SLC22A23: variants seen among roughly 807,000 people sequenced by gnomAD.
SLC22A23 encodes the protein ion transporter protein.
SLC22A23 carries 26 observed loss-of-function variants against 61.0 expected under a neutral mutation model. The ratio of observed to expected loss-of-function variants is 0.43; its 90% CI spans 0.31 to 0.59. SLC22A23 has a LOEUF of 0.59. SLC22A23 is among the 20% of genes least tolerant of loss of function. SLC22A23 has a pLI of 0.11. For synonymous variants in SLC22A23, 430 were observed against 413.9 expected (o/e 1.04, Z -0.47); for missense variants, 796 against 934.7 (o/e 0.85, Z 1.94).
At chr6:3,440,637 G>A in intron 1 of SLC22A23, among the ~76,000 whole-genome samples, 1 of 151,690 alleles carries the variant, frequency 6.6e-6, no homozygotes, top group East Asian at 1.9e-4. Flanking sequence ...AACCCAGGAG[G>A]TGGAGGTTGC....
chr6:3,420,247 AAC>A (rs1770029127), intron 1 of SLC22A23, among the ~76,000 whole-genome samples: 2 of 151,916 alleles, frequency 1.3e-5, no homozygotes, highest in African/African-American at 2.4e-5. Flanking sequence ...AAAAAAAAAA[AAC>A]CAAAAACTGT....
intron 3 of SLC22A23, among the ~76,000 whole-genome samples, chr6:3,326,511 TCA>T (rs1763290455): frequency 6.6e-6 from 1 of 152,116 alleles, no homozygotes; most frequent in Non-Finnish European, 1.5e-5. Flanking sequence ...ATGTTTTGCC[TCA>T]CAGACATATC....
rs1279089686 is a variant in SLC22A23, at chr6:3,272,349, TTAAGA to T, written c.*701_*705del. 6.5e-6 allele frequency: 1 copy of T among 152,718 alleles called. No homozygotes were observed. The highest frequency in any genetic ancestry group is 2.4e-5 in the African/African-American group (1 of 41,410). 9.5% of individuals were successfully genotyped at this position (152,718 alleles called of 1,614,324 possible). A position where few individuals can be genotyped will look rare whatever the true frequency, so the allele number is the denominator to read the frequency against. On this transcript the variant is annotated 3_prime_UTR_variant, in exon 10 of 10. Transcript: ENST00000406686. ...CTGTGGCGATATGACTGCTGCTCAA[TTAAGA>T]TTTCTGGTGAAATGTTTAAGCTTTT...
At chr6:3,356,471 C>T (rs1400365755) in intron 3 of SLC22A23, among the ~76,000 whole-genome samples, 1 of 152,104 alleles carries the variant, frequency 6.6e-6, no homozygotes, top group East Asian at 1.9e-4. Flanking sequence ...CTCACTTCCT[C>T]ATTTGCCTGT....
intron 3 of SLC22A23, among the ~76,000 whole-genome samples, chr6:3,393,814 G>A (rs1028740445): frequency 1.3e-5 from 2 of 152,048 alleles, no homozygotes; most frequent in South Asian, 2.1e-4. Context: ...TCCTTCATTC[G>A]GAGTTACCTC....
intron 3 of SLC22A23, among the ~76,000 whole-genome samples, chr6:3,340,122 T>G (rs750898154): frequency 1.3e-5 from 2 of 152,148 alleles, no homozygotes; most frequent in African/African-American, 2.4e-5. Context: ...AAAGCGGTAT[T>G]ATCCAGGAGG....
intron 1 of SLC22A23, among the ~76,000 whole-genome samples, chr6:3,446,665 C>T (rs1276357078): frequency 6.6e-6 from 1 of 152,212 alleles, no homozygotes; most frequent in Non-Finnish European, 1.5e-5. Context: ...CGCAGGCCAG[C>T]ATGTCTGCTT....
intron 3 of SLC22A23, among the ~76,000 whole-genome samples, chr6:3,373,550 G>A (rs1401630318): frequency 1.3e-5 from 2 of 152,074 alleles, no homozygotes; most frequent in Non-Finnish European, 2.9e-5. Context: ...TGAGGCATAG[G>A]AAGGCCTGGG....
chr6:3,297,705 G>C lies in SLC22A23; in HGVS notation c.1210+386C>G, dbSNP rs767308002. Among the ~76,000 whole-genome samples, 3 of 152,154 alleles carry C rather than the reference G, an allele frequency of 2.0e-5. No homozygotes were observed. Among genetic ancestry groups the C allele is most frequent in the Non-Finnish European group, 4.4e-5 (3 of 68,036 alleles). Reference sequence around the variant, plus strand: ...TAAAGACAATGGTGGCTCTCTGAAGGTCATGCTCAGGAAAGCTGAGGTCAC... The same window carrying C: ...TAAAGACAATGGTGGCTCTCTGAAGCTCATGCTCAGGAAAGCTGAGGTCAC... On this transcript the variant is annotated intron_variant, in intron 5 of 9. Transcript: ENST00000406686. The surrounding 1 kb of genome is among the most constrained non-coding windows in gnomAD (Gnocchi z 4.3).
At chr6:3,406,391 C>T (rs17308998) in intron 3 of SLC22A23, among the ~76,000 whole-genome samples, 8,004 of 152,188 alleles carry the variant, frequency 0.053, 316 homozygotes, top group South Asian at 0.13. Flanking sequence ...CAATCACGTC[C>T]GCCTATGCTG....
intron 3 of SLC22A23, among the ~76,000 whole-genome samples, chr6:3,404,463 A>T (rs552329722): frequency 6.6e-6 from 1 of 152,374 alleles, no homozygotes; most frequent in East Asian, 1.9e-4. Context: ...AAATGTCTAT[A>T]GAAAGAAAAG....
chr6:3,329,685 A>G lies in SLC22A23; in HGVS notation c.914-5683T>C, dbSNP rs4285364. Among the ~76,000 whole-genome samples the G allele has an allele frequency of 0.26, 40,057 of 151,986 alleles. 7,741 individuals carry two copies. The highest frequency in any genetic ancestry group is 0.54 in the African/African-American group (22,454 of 41,428). ...AGGTAACGATCGTACCTACCACATG[A>G]GGTGGTCATGAGAAAACGACACTCA... On this transcript the variant is annotated intron_variant, in intron 3 of 9. Transcript: ENST00000406686. This position sits in a 1 kb window ranked among gnomAD's most constrained non-coding sequence, Gnocchi z 4.8.
chr6:3,388,005 G>A (rs1191520750), intron 3 of SLC22A23, among the ~76,000 whole-genome samples: 1 of 152,144 alleles, frequency 6.6e-6, no homozygotes, highest in Non-Finnish European at 1.5e-5. Flanking sequence ...TTTCCCACCA[G>A]TTATCCTAAA....
At chr6:3,295,274 C>T (rs1760980441) in intron 5 of SLC22A23, among the ~76,000 whole-genome samples, 1 of 149,668 alleles carries the variant, frequency 6.7e-6, no homozygotes. Context: ...TGGGGGCTGA[C>T]TTGGTCTCTG....
chr6:3,399,911 T>C (rs1768265941), intron 3 of SLC22A23, among the ~76,000 whole-genome samples: 1 of 152,210 alleles, frequency 6.6e-6, no homozygotes, highest in Non-Finnish European at 1.5e-5. Flanking sequence ...GGAGTTTTGC[T>C]CTTGTTGCCC....
intron 2 of SLC22A23, among the ~76,000 whole-genome samples, chr6:3,415,266 G>A (rs2127521982): frequency 6.6e-6 from 1 of 152,274 alleles, no homozygotes; most frequent in South Asian, 2.1e-4. Flanking sequence ...AGACCCCACA[G>A]AGGCATCTCC....
chr6:3,312,718 A>T (rs917769364), intron 4 of SLC22A23: 13 of 152,330 alleles, frequency 8.5e-5, no homozygotes, highest in Admixed American at 2.0e-4. Flanking sequence ...GCCAGACGCC[A>T]GCAATGGCAA....
rs778690998 is a variant in SLC22A23, at chr6:3,413,714, C to A, written c.758+2038G>T. Among the ~76,000 whole-genome samples, 23 of 152,364 alleles carry A rather than the reference C, an allele frequency of 1.5e-4. 1 individual carries two copies. The highest frequency in any genetic ancestry group is 8.3e-4 in the South Asian group (4 of 4,832). On this transcript the variant is annotated intron_variant, in intron 2 of 9. Coordinates refer to ENST00000406686, the MANE Select transcript of SLC22A23 (RefSeq NM_015482.2). ...TGTATGACTTGATCCACTTCCCCTG[C>A]AGCCATGAAACAGGGCCCATAGCCG...
chr6:3,400,931 C>T (rs1768343446), intron 3 of SLC22A23, among the ~76,000 whole-genome samples: 1 of 152,238 alleles, frequency 6.6e-6, no homozygotes, highest in Non-Finnish European at 1.5e-5. Flanking sequence ...ATAGGCATTA[C>T]CGACTTGCCT....
Sources: gnomAD v4.1 joint callset for allele counts (sites outside exome capture counted in the v4.1 genomes callset) on GRCh38, gnomAD v4.1.1 for gene constraint, Gnocchi (gnomAD v3.1) non-coding constraint, MANE v1.5 for transcripts, NCBI Gene and HGNC (gene_info 2026-07-23, HGNC 2026-07-21) for gene names.